Variants in CORO2B observed in about 807,000 individuals in gnomAD.
CORO2B encodes the protein coronin 2B, also known as coronin-2B.
CORO2B carries 26 observed loss-of-function variants against 58.8 expected under a neutral mutation model. The ratio of observed to expected loss-of-function variants is 0.44; its 90% CI spans 0.32 to 0.61. The LOEUF (loss-of-function observed/expected upper bound fraction) is 0.61. CORO2B is among the 20% of genes least tolerant of loss of function. The pLI is 0.04. For missense variants in CORO2B, 460 were observed against 645.1 expected, an observed-to-expected ratio of 0.71 and a Z score of 3.11; for synonymous variants, 242 against 253.8, an observed-to-expected ratio of 0.95 and a Z score of 0.44.
At chr15:68,616,637 G>A (rs1480495973) in intron 1 of CORO2B, 26 of 984,224 alleles carry the variant, frequency 2.6e-5, no homozygotes, top group Admixed American at 1.2e-4. Flanking sequence ...GTGTCAGCGC[G>A]TGGGCCCCAG....
chr15:68,685,873 T>C (rs936483549), intron 2 of CORO2B, among the ~76,000 whole-genome samples: 1 of 152,136 alleles, frequency 6.6e-6, no homozygotes, highest in Non-Finnish European at 1.5e-5. Flanking sequence ...GTAGCCAAGT[T>C]TGGCAAGCTC....
At chr15:68,650,961 C>T (rs1207723921) in intron 2 of CORO2B, among the ~76,000 whole-genome samples, 1 of 152,068 alleles carries the variant, frequency 6.6e-6, no homozygotes, top group Non-Finnish European at 1.5e-5. Flanking sequence ...GAACATCAGC[C>T]CTCCCTTATG....
chr15:68,661,100 C>T (rs1233168190), intron 2 of CORO2B, among the ~76,000 whole-genome samples: 2 of 152,120 alleles, frequency 1.3e-5, no homozygotes, highest in Admixed American at 1.3e-4. Flanking sequence ...GCCTCAACCT[C>T]CCCAGTGGCT....
intron 1 of CORO2B, among the ~76,000 whole-genome samples, chr15:68,619,554 C>T (rs898883736): frequency 5.9e-5 from 9 of 152,052 alleles, no homozygotes; most frequent in Non-Finnish European, 7.4e-5. Context: ...CCAAATGGCT[C>T]TCTCTCCCTC....
chr15:68,689,102 T>C (rs1437963454), intron 2 of CORO2B, among the ~76,000 whole-genome samples: 2 of 77,752 alleles, frequency 2.6e-5, no homozygotes, highest in African/African-American at 7.2e-5. Flanking sequence ...ACATTTGACA[T>C]TGAAGTTCTG....
chr15:68,628,456 C>T (rs1252160947), intron 1 of CORO2B, among the ~76,000 whole-genome samples: 3 of 152,212 alleles, frequency 2.0e-5, no homozygotes, highest in African/African-American at 7.2e-5. Context: ...TTGAATAGTA[C>T]CTGACACGTA....
At chr15:68,528,689 G>GTTTTTTTTTTTTTTTTTTTTTTGTGTT in the CORO2B span, among the ~76,000 whole-genome samples, 1 of 118,020 alleles carries the variant, frequency 8.5e-6, no homozygotes, top group Non-Finnish European at 1.8e-5. Flanking sequence ...TTTTCTGAGT[G>GTTTTTTTTTTTTTTTTTTTTTTGTGTT]TTTTTTTTTT....
At chr15:68,578,979 C>A, upstream of CORO2B, 1 of 943,910 alleles carries the variant, frequency 1.1e-6, no homozygotes, top group Non-Finnish European at 1.3e-6. The surrounding 1 kb of genome is among the most constrained non-coding windows in gnomAD (Gnocchi z 4.2). Context: ...CGGGCCCTCT[C>A]CCTCTCTCCC....
Position 68,710,968 on chromosome 15 carries a change from C to T in CORO2B, c.483+87C>T. On this transcript the variant is annotated intron_variant, in intron 4 of 11. Transcript: ENST00000261861. The surrounding 1 kb of genome is among the most constrained non-coding windows in gnomAD (Gnocchi z 4.1). Reference sequence around the variant, plus strand: ...TACCCGTAGGAAGCACTGTTGCTTCCTAAGCAACCAATATGGCCTCATCTG... The same window carrying T: ...TACCCGTAGGAAGCACTGTTGCTTCTTAAGCAACCAATATGGCCTCATCTG... The T allele has an allele frequency of 7.2e-7, 1 of 1,391,714 alleles. No homozygotes were observed. The highest frequency in any genetic ancestry group is 9.6e-7 in the Non-Finnish European group (1 of 1,041,942). 86.2% of individuals were successfully genotyped at this position (1,391,714 alleles called of 1,614,324 possible). A position where few individuals can be genotyped will look rare whatever the true frequency, so the allele number is the denominator to read the frequency against.
intron 1 of CORO2B, among the ~76,000 whole-genome samples, chr15:68,642,036 T>C (rs1005510834): frequency 2.6e-3 from 4 of 1,540 alleles, no homozygotes; most frequent in Non-Finnish European, 6.7e-3. Context: ...GCCTAGCCTC[T>C]TTTTTTTTTT....
At chr15:68,554,459 C>T in the CORO2B span, among the ~76,000 whole-genome samples, 2 of 152,158 alleles carry the variant, frequency 1.3e-5, no homozygotes, top group South Asian at 2.1e-4. Flanking sequence ...ACCTTTACCT[C>T]CTCCCCCAGG....
chr15:68,682,749 T>G (rs1371809954), intron 2 of CORO2B, among the ~76,000 whole-genome samples: 1 of 152,156 alleles, frequency 6.6e-6, no homozygotes, highest in Non-Finnish European at 1.5e-5. Flanking sequence ...ACTCAGCCAG[T>G]GTGCAGCAGA....
chr15:68,723,548 G>A (rs1365460709), intron 11 of CORO2B, among the ~76,000 whole-genome samples: 1 of 151,928 alleles, frequency 6.6e-6, no homozygotes, highest in Non-Finnish European at 1.5e-5. Flanking sequence ...TCCACCTCCC[G>A]GGTTCAAGCA....
chr15:68,710,688 C>A lies in CORO2B; in HGVS notation c.334-44C>A. 2.6e-6 allele frequency: 4 copies of A among 1,522,982 alleles called. 1 individual carries two copies. In the South Asian group the frequency reaches 5.2e-5, roughly 20 times the overall value. The allele number at this position is 1,522,982 out of a possible 1,614,324, so 94.3% of individuals were successfully genotyped here. On this transcript the variant is annotated intron_variant, in intron 3 of 11. Transcript: ENST00000261861. This position sits in a 1 kb window ranked among gnomAD's most constrained non-coding sequence, Gnocchi z 4.1. ...AGGGGCACCTCTCATCAAGGGACTT[C>A]TTGGCCGTGTCCACCCAGCCTGGAC... is the stretch of plus-strand genomic sequence containing the variant.
In CORO2B at chr15:68,725,960, C is replaced by T. The variant is rs377512463; in HGVS notation, c.1429C>T (p.Pro477Ser). ...QLELKNLRNSPKNC is the reference protein window; with the variant it reads ...QLELKNLRNSSKNC ...GGAACTGAAAAACTTGCGCAACAGC[C>T]CCAAGAACTGTTAGCTCCCCAGCTG... The change falls in exon 12 of 12, where the codon CCC (proline) becomes TCC (serine). Residue 477 changes from proline to serine, a missense_variant. Physicochemically the swap from Pro to Ser is moderately conservative, Grantham distance 74. Transcript: ENST00000261861. The T allele has an allele frequency of 1.2e-6, 2 of 1,613,684 alleles. No individual in the cohort carries two copies. Among genetic ancestry groups the T allele is most frequent in the African/African-American group, 1.3e-5 (1 of 74,904 alleles).
At chr15:68,601,522 C>T (rs1267196844) in intron 1 of CORO2B, among the ~76,000 whole-genome samples, 2 of 152,100 alleles carry the variant, frequency 1.3e-5, no homozygotes, top group Non-Finnish European at 2.9e-5. Flanking sequence ...GCGAGGAGGG[C>T]TAGGATGAGG....
intron 2 of CORO2B, among the ~76,000 whole-genome samples, chr15:68,650,527 G>C (rs958404961): frequency 6.6e-6 from 1 of 152,114 alleles, no homozygotes; most frequent in Admixed American, 6.6e-5. Context: ...CCGGAGAATC[G>C]CTTAAACCTG....
chr15:68,714,449 G>A lies in CORO2B; in HGVS notation c.766-110G>A, dbSNP rs558881392. The A allele has an allele frequency of 4.2e-4, 340 of 808,206 alleles. 4 individuals carry two copies. In the South Asian group the frequency reaches 5.0e-3, roughly 12 times the overall value. The allele number at this position is 808,206 out of a possible 1,614,324, so 50.1% of individuals were successfully genotyped here. ...CATAGGACGGGCTTTTTAACATCTAGGGGAGGTCTTAACATAAAGTAGTTG... is the reference window on the plus strand; with the variant it reads ...CATAGGACGGGCTTTTTAACATCTAAGGGAGGTCTTAACATAAAGTAGTTG... On this transcript the variant is annotated intron_variant, in intron 6 of 11. Transcript: ENST00000261861.
At chr15:68,587,815 C>T (rs919984872) in intron 1 of CORO2B, among the ~76,000 whole-genome samples, 12 of 152,216 alleles carry the variant, frequency 7.9e-5, no homozygotes, top group African/African-American at 2.9e-4. Flanking sequence ...GTAACTTTTA[C>T]AGTGTTCCCA....
Sources: gnomAD v4.1 joint callset for allele counts (sites outside exome capture counted in the v4.1 genomes callset) on GRCh38, gnomAD v4.1.1 for gene constraint, Gnocchi (gnomAD v3.1) non-coding constraint, MANE v1.5 for transcripts, NCBI Gene and HGNC (gene_info 2026-07-23, HGNC 2026-07-21) for gene names.